SETD2: variants seen among roughly 807,000 people sequenced by gnomAD.
The protein encoded by SETD2 is SET domain containing 2, histone lysine methyltransferase, also known as histone-lysine N-methyltransferase SETD2.
SETD2 carries 31 observed loss-of-function variants against 242.1 expected under a neutral mutation model. The observed-to-expected ratio is 0.13, with a 90% CI of 0.10 to 0.17. The LOEUF is 0.17. Among genes scored for constraint, SETD2 ranks in the 10% least tolerant of loss-of-function variants. SETD2 has a pLI of 1.00. For missense variants in SETD2, 2,481 were observed against 3,046.3 expected, an observed-to-expected ratio of 0.81 and a Z score of 4.37; for synonymous variants, 1,006 against 1,066.5, an observed-to-expected ratio of 0.94 and a Z score of 1.11.
chr3:47,047,102 T>C (rs972352796), intron 15 of SETD2: 1 of 152,396 alleles, frequency 6.6e-6, no homozygotes, highest in Non-Finnish European at 1.5e-5. Context: ...GTAAATAAGA[T>C]GATCAAATTT....
chr3:47,039,812 G>GTCT (rs1407923238), intron 17 of SETD2, among the ~76,000 whole-genome samples: 2 of 148,392 alleles, frequency 1.3e-5, no homozygotes. Context: ...GAACCCTGGA[G>GTCT]GCAGAGGTTG....
Position 47,121,199 on chromosome 3 carries a change from G to A in SETD2, c.3437C>T (p.Thr1146Ile), listed in dbSNP as rs1191319440. The A allele has an allele frequency of 1.2e-6, 2 of 1,614,050 alleles. No individual in the cohort carries two copies. Residue 1146 changes from threonine (T) to isoleucine (I), a missense_variant, in exon 3 of 21, where the codon ACA becomes ATA. By Grantham distance (89) the Thr-to-Ile change is moderately conservative. This residue lies in a region of SETD2 where 1,300 missense variants were observed against 1,259.2 expected (regional missense o/e 1.03). Transcript: ENST00000409792. Reference sequence around the variant, plus strand: ...ATCTATTTGTTTTCTACTGGACTGTGTAAAAGAAATTTCCGGATTCTTCTC... The same window carrying A: ...ATCTATTTGTTTTCTACTGGACTGTATAAAAGAAATTTCCGGATTCTTCTC... ...GTEKNPEISF[T>I]QSSRKQIDNR...
chr3:47,030,345 C>T (rs2038707211), intron 18 of SETD2, among the ~76,000 whole-genome samples: 1 of 151,940 alleles, frequency 6.6e-6, no homozygotes, highest in Admixed American at 6.6e-5. Flanking sequence ...GAAGGTAAAT[C>T]AGTGAACTTT....
chr3:47,163,449 G>GGCCCGGCACCCTCTTGCCT (rs1559774810), intron 1 of SETD2: 2 of 152,088 alleles, frequency 1.3e-5, no homozygotes, highest in African/African-American at 4.8e-5. Flanking sequence ...CCCTCTTGCC[G>GGCCCGGCACCCTCTTGCCT]GGCCCGGCAC....
intron 15 of SETD2, among the ~76,000 whole-genome samples, chr3:47,055,906 G>A (rs1252105883): frequency 2.0e-5 from 3 of 148,390 alleles, no homozygotes; most frequent in African/African-American, 4.9e-5. Context: ...CAAGCTACTC[G>A]GGAGCCTGAG....
chr3:47,053,819 T>A (rs2039949623), intron 15 of SETD2, among the ~76,000 whole-genome samples: 1 of 152,182 alleles, frequency 6.6e-6, no homozygotes, highest in Admixed American at 6.5e-5. Flanking sequence ...AGCCCATTAA[T>A]GTCAATAATC....
chr3:47,162,474 T>C (rs978776962), intron 1 of SETD2, among the ~76,000 whole-genome samples: 6 of 152,224 alleles, frequency 3.9e-5, no homozygotes, highest in Non-Finnish European at 5.9e-5. Flanking sequence ...TAACTTACTA[T>C]TGCAAGTAAG....
chr3:47,108,764 G>C (rs1381268141), intron 5 of SETD2, among the ~76,000 whole-genome samples: 2 of 152,182 alleles, frequency 1.3e-5, no homozygotes. Flanking sequence ...AATGTAGGAA[G>C]AGTGGCTAGA....
chr3:47,136,762 T>C (rs2043597994), intron 1 of SETD2, among the ~76,000 whole-genome samples: 1 of 152,160 alleles, frequency 6.6e-6, no homozygotes, highest in South Asian at 2.1e-4. Context: ...CAGACCAGCC[T>C]GGCCAACATG....
At chr3:47,156,837 T>C (rs972179176) in intron 1 of SETD2, among the ~76,000 whole-genome samples, 1 of 152,190 alleles carries the variant, frequency 6.6e-6, no homozygotes, top group African/African-American at 2.4e-5. Context: ...TCTTCTCCAT[T>C]CTAACATGAA....
At chr3:47,156,019 T>C (rs2044119112) in intron 1 of SETD2, among the ~76,000 whole-genome samples, 1 of 152,114 alleles carries the variant, frequency 6.6e-6, no homozygotes, top group African/African-American at 2.4e-5. Flanking sequence ...CTAGTCAACT[T>C]TTTTAAGAAA....
intron 1 of SETD2, chr3:47,163,488 C>G (rs368430350): frequency 6.5e-6 from 1 of 153,466 alleles, no homozygotes; most frequent in Non-Finnish European, 1.5e-5. Context: ...TGCCCTTTGG[C>G]TAGCAGCGGG....
intron 11 of SETD2, among the ~76,000 whole-genome samples, 192 bp downstream of exon 11, chr3:47,086,003 G>A (rs545142996): frequency 6.6e-6 from 1 of 152,176 alleles, no homozygotes; most frequent in Admixed American, 6.5e-5. Flanking sequence ...GAAAACCATG[G>A]GACAAACTAC....
chr3:47,098,212 C>A, intron 8 of SETD2, 131 bp from the exon 9 acceptor site: 1 of 769,802 alleles, frequency 1.3e-6, no homozygotes, highest in Non-Finnish European at 1.9e-6. Flanking sequence ...GAAGAGATTC[C>A]AACAAGTCTG....
chr3:47,111,067 CTG>C (rs1389486840), intron 5 of SETD2, among the ~76,000 whole-genome samples: 1 of 101,712 alleles, frequency 9.8e-6, no homozygotes, highest in Non-Finnish European at 1.8e-5. Context: ...TGTGTCCAAA[CTG>C]TGGTTCCTTT....
intron 1 of SETD2, among the ~76,000 whole-genome samples, chr3:47,149,859 G>C (rs6772670): frequency 6.6e-6 from 1 of 151,676 alleles, no homozygotes; most frequent in Non-Finnish European, 1.5e-5. Flanking sequence ...TAAATATAAC[G>C]TTTTTAATTG....
intron 1 of SETD2, among the ~76,000 whole-genome samples, chr3:47,137,473 G>C (rs2043614999): frequency 1.3e-5 from 2 of 152,062 alleles, no homozygotes; most frequent in Non-Finnish European, 2.9e-5. Context: ...TTGTAGGTGT[G>C]AGCCACCGCG....
intron 8 of SETD2, among the ~76,000 whole-genome samples, chr3:47,099,992 G>C (rs569298683): frequency 1.5e-5 from 2 of 137,334 alleles, no homozygotes; most frequent in Non-Finnish European, 3.1e-5. Flanking sequence ...TGTTTTTTTC[G>C]AGACAGAGTC....
At chr3:47,038,432 G>A (rs1007708237) in intron 17 of SETD2, among the ~76,000 whole-genome samples, 2 of 152,052 alleles carry the variant, frequency 1.3e-5, no homozygotes, top group Non-Finnish European at 2.9e-5. Flanking sequence ...TGGCCAACAC[G>A]GTGAAACCCC....
Sources: allele counts gnomAD v4.1 joint callset (sites outside exome capture counted in the v4.1 genomes callset), GRCh38; gene constraint gnomAD v4.1.1; regional missense constraint gnomAD v4.1.1; transcripts MANE v1.5; gene names NCBI Gene and HGNC (gene_info 2026-07-23, HGNC 2026-07-21).